CADM1: variants seen among roughly 807,000 people sequenced by gnomAD.
The protein encoded by CADM1 is cell adhesion molecule 1.
A neutral mutation model predicts 53.1 loss-of-function variants in CADM1; 15 were observed. That is an observed-to-expected ratio of 0.28 (90% CI 0.19 to 0.44). CADM1 has a LOEUF of 0.44. CADM1 is among the 20% of genes least tolerant of loss of function. CADM1 has a pLI of 1.00. For synonymous variants in CADM1, 281 were observed against 243.0 expected (o/e 1.16, Z -1.45); for missense variants, 434 against 611.3 (o/e 0.71, Z 3.06).
chr11:115,431,977 GCT>G (rs1246717208), intron 1 of CADM1, among the ~76,000 whole-genome samples: 1 of 151,492 alleles, frequency 6.6e-6, no homozygotes, highest in African/African-American at 2.4e-5. Context: ...ACAGATTCAT[GCT>G]CTGTCACCAG....
At chr11:115,274,672 C>G (rs1228476829) in intron 1 of CADM1, among the ~76,000 whole-genome samples, 2 of 152,300 alleles carry the variant, frequency 1.3e-5, no homozygotes, top group East Asian at 3.9e-4. Context: ...AAGGTAGAAC[C>G]ACAGGACGAG....
intron 1 of CADM1, among the ~76,000 whole-genome samples, chr11:115,258,307 GTCTT>G (rs1218821042): frequency 2.6e-5 from 4 of 152,098 alleles, no homozygotes; most frequent in Non-Finnish European, 5.9e-5. Flanking sequence ...TGTCATCCCT[GTCTT>G]TCTATTACTC....
At chr11:115,217,093 T>C (rs1417259155) in intron 6 of CADM1, among the ~76,000 whole-genome samples, 1 of 152,114 alleles carries the variant, frequency 6.6e-6, no homozygotes, top group Non-Finnish European at 1.5e-5. Context: ...TTTTTTTCTT[T>C]CCCCCACTAA....
rs1356120768 is a variant in CADM1, at chr11:115,172,468, A to T, written c.*4006T>A. On this transcript the variant is annotated 3_prime_UTR_variant, in exon 12 of 12. Transcript: ENST00000331581. ...TTCCTTCTCCACGAAACCATCCTTT[A>T]AGATCCAGCTGGGGTCCCAGCTCTT... is the stretch of plus-strand genomic sequence containing the variant. 1 of 152,194 alleles carries T rather than the reference A, an allele frequency of 6.6e-6. No homozygotes were observed. The highest frequency in any genetic ancestry group is 2.4e-5 in the African/African-American group (1 of 41,430). The allele number at this position is 152,194 out of a possible 1,614,324, so 9.4% of individuals were successfully genotyped here. A position where few individuals can be genotyped will look rare whatever the true frequency, so the allele number is the denominator to read the frequency against.
chr11:115,211,937 A>AAG lies in CADM1; in HGVS notation c.995-2282_995-2281dup, dbSNP rs139273548. On this transcript the variant is annotated intron_variant, in intron 7 of 11. Transcript: ENST00000331581. ...CTAATGAAGACACAGACTTCAGAGAAAGGTCATCAGTCCCTCCCATTTTGT... is the reference window on the plus strand; with the variant it reads ...CTAATGAAGACACAGACTTCAGAGAAAGAGGTCATCAGTCCCTCCCATTTTGT... Among the ~76,000 whole-genome samples the AAG allele has an allele frequency of 0.024, 3,601 of 152,302 alleles. 375 individuals are homozygous for AAG. The East Asian group carries it at 0.35, about 15-fold the overall frequency.
At chr11:115,470,034 T>C (rs1207263600) in intron 1 of CADM1, among the ~76,000 whole-genome samples, 2 of 152,202 alleles carry the variant, frequency 1.3e-5, no homozygotes, top group African/African-American at 4.8e-5. Context: ...GCAGCAATTT[T>C]CTAATCAGCA....
rs1441640820 is a variant in CADM1 at position 115,172,749 on chromosome 11, TTTTTTTTTTA to T, written c.*3715_*3724del. On this transcript the variant is annotated 3_prime_UTR_variant, in exon 12 of 12. Coordinates refer to ENST00000331581, the MANE Select transcript of CADM1 (RefSeq NM_001301043.2). ...GATTTTTTTTTTTTTTTTTTTTTTT[TTTTTTTTTTA>T]ACAGAGACAGGTAAGAGACCAGGCC... is the stretch of plus-strand genomic sequence containing the variant. The T allele has an allele frequency of 0.14, 12,845 of 89,322 alleles. 1,633 individuals are homozygous for T. Among genetic ancestry groups the T allele is most frequent in the African/African-American group, 0.34 (7,512 of 22,366 alleles). 5.5% of individuals were successfully genotyped at this position (89,322 alleles called of 1,614,324 possible). A position where few individuals can be genotyped will look rare whatever the true frequency, so the allele number is the denominator to read the frequency against.
At chr11:115,268,569 C>T (rs530047346) in intron 1 of CADM1, among the ~76,000 whole-genome samples, 1 of 152,284 alleles carries the variant, frequency 6.6e-6, no homozygotes, top group African/African-American at 2.4e-5. Context: ...GGGAAAGGAC[C>T]CTACCCCAGC....
At chr11:115,501,521 C>T (rs150351300) in intron 1 of CADM1, among the ~76,000 whole-genome samples, 107 of 152,320 alleles carry the variant, frequency 7.0e-4, no homozygotes, top group African/African-American at 2.4e-3. Flanking sequence ...GAACGTATAA[C>T]AGGCGTGATT....
chr11:115,501,250 G>A (rs540312767), intron 1 of CADM1, among the ~76,000 whole-genome samples: 2 of 152,278 alleles, frequency 1.3e-5, no homozygotes, highest in South Asian at 2.1e-4. Context: ...ATCTATCACA[G>A]ACAAGTGCAA....
chr11:115,286,890 A>G (rs1370986037), intron 1 of CADM1, among the ~76,000 whole-genome samples: 1 of 152,246 alleles, frequency 6.6e-6, no homozygotes, highest in Non-Finnish European at 1.5e-5. Context: ...AGGAAAGTGC[A>G]TTTCAAGAAC....
chr11:115,234,882 G>A (rs1276710585), intron 3 of CADM1, among the ~76,000 whole-genome samples: 2 of 108,648 alleles, frequency 1.8e-5, no homozygotes, highest in Non-Finnish European at 3.4e-5. Flanking sequence ...GACACAGGGA[G>A]ACTCCGTCTC....
chr11:115,411,033 T>C (rs1373582204), intron 1 of CADM1, among the ~76,000 whole-genome samples: 10 of 152,224 alleles, frequency 6.6e-5, no homozygotes, highest in African/African-American at 2.4e-4. Flanking sequence ...TGTGTCTTTG[T>C]GTAAGCAGCA....
At chr11:115,480,741 C>T (rs1406328340) in intron 1 of CADM1, among the ~76,000 whole-genome samples, 2 of 152,130 alleles carry the variant, frequency 1.3e-5, no homozygotes, top group Admixed American at 6.6e-5. Flanking sequence ...AGTTTCTCAC[C>T]CTGCACAGCT....
intron 1 of CADM1, among the ~76,000 whole-genome samples, chr11:115,427,971 A>T (rs1947934817): frequency 7.3e-6 from 1 of 137,792 alleles, no homozygotes; most frequent in Non-Finnish European, 1.5e-5. Flanking sequence ...ATGCCACTGC[A>T]CTCCAGCCTG....
intron 1 of CADM1, among the ~76,000 whole-genome samples, chr11:115,338,932 A>T (rs1297207646): frequency 7.6e-6 from 1 of 132,208 alleles, no homozygotes; most frequent in African/African-American, 2.9e-5. Flanking sequence ...TTTAGGGTAC[A>T]TGTGCACATT....
At position 115,368,110 on chromosome 11, in the gene CADM1, CTTTTTTTTT is replaced by C. The variant is rs58589028; in HGVS notation, c.125-127699_125-127691del. On this transcript the variant is annotated intron_variant, in intron 1 of 11. Transcript: ENST00000331581. The stretch of plus-strand genomic sequence containing the variant: ...AAAATGTCTTTATTATCACTAGAGT[CTTTTTTTTT>C]TTTTTTTTTTTTTTTTTTTTACTTT... Among the ~76,000 whole-genome samples, 14 of 61,880 alleles carry C rather than the reference CTTTTTTTTT, an allele frequency of 2.3e-4. No homozygotes were observed. The South Asian group carries it at 5.3e-3, about 23-fold the overall frequency. The allele number at this position is 61,880 out of a possible 152,430, so 40.6% of individuals were successfully genotyped here.
At chr11:115,442,855 A>C (rs145631128) in intron 1 of CADM1, among the ~76,000 whole-genome samples, 1 of 152,206 alleles carries the variant, frequency 6.6e-6, no homozygotes, top group African/African-American at 2.4e-5. Flanking sequence ...GACAAGATAC[A>C]TGATTTAACA....
At chr11:115,246,447 C>T (rs78151203) in intron 1 of CADM1, among the ~76,000 whole-genome samples, 1 of 152,174 alleles carries the variant, frequency 6.6e-6, no homozygotes, top group African/African-American at 2.4e-5. Context: ...GTGACATTGA[C>T]CCAAACACTT....
Sources: allele counts gnomAD v4.1 joint callset (sites outside exome capture counted in the v4.1 genomes callset), GRCh38; gene constraint gnomAD v4.1.1; transcripts MANE v1.5; gene names NCBI Gene and HGNC (gene_info 2026-07-23, HGNC 2026-07-21).